Variants in SLC1A7 observed in about 807,000 individuals in gnomAD.
SLC1A7 encodes the protein solute carrier family 1 member 7.
A neutral mutation model predicts 47.7 loss-of-function variants in SLC1A7; 40 were observed. The ratio of observed to expected loss-of-function variants is 0.84; its 90% CI spans 0.65 to 1.09. The LOEUF (loss-of-function observed/expected upper bound fraction) is 1.09. SLC1A7 is among the 50% of genes least tolerant of loss of function. SLC1A7 has a pLI of 0.00. For missense variants in SLC1A7, 746 were observed against 769.5 expected (o/e 0.97, Z 0.36); for synonymous variants, 323 against 325.6 (o/e 0.99, Z 0.09).
Position 53,105,810 on chromosome 1 carries a change from C to T in SLC1A7, c.432-36G>A. On this transcript the variant is annotated intron_variant, in intron 3 of 10. Coordinates refer to ENST00000371494, the MANE Select transcript of SLC1A7 (RefSeq NM_006671.6). ...AATCAGCAATTGAAAAATTCCAGAG[C>T]CCAGGACAGGAGGGCCCTGGGGGTT... The T allele has an allele frequency of 1.9e-6, 3 of 1,600,130 alleles. No homozygotes were observed. The East Asian group carries it at 6.7e-5, about 36-fold the overall frequency.
intron 10 of SLC1A7, 78 bp downstream of exon 10, chr1:53,088,794 AGCTGG>A: frequency 1.0e-6 from 1 of 1,003,222 alleles, no homozygotes; most frequent in East Asian, 2.6e-5. Context: ...GAGGCTGCCG[AGCTGG>A]TTGGTGGAAG....
At chr1:53,100,488 G>GT (rs1644561584) in intron 5 of SLC1A7, among the ~76,000 whole-genome samples, 1 of 116,632 alleles carries the variant, frequency 8.6e-6, no homozygotes, top group African/African-American at 4.0e-5. Flanking sequence ...ACTCACAAAC[G>GT]CTGCCTCGGT....
intron 3 of SLC1A7, chr1:53,108,313 C>T (rs1313633576): frequency 6.9e-6 from 3 of 436,108 alleles, no homozygotes; most frequent in Non-Finnish European, 1.2e-5. Flanking sequence ...TTTGGAAGCT[C>T]GTAAGAAGCC....
intron 5 of SLC1A7, 31 bp from the exon 6 acceptor site, chr1:53,093,591 A>G: frequency 1.3e-6 from 2 of 1,543,974 alleles, no homozygotes; most frequent in Non-Finnish European, 1.8e-6. Context: ...GCTGTGGTAA[A>G]GCAGGGACAG....
rs1176363250 is a variant in SLC1A7, at chr1:53,089,845, AG to A, written c.1315del (p.Leu439CysfsTer22). ...GATGAGGGTGATGTCATCGGTGGGC[AG>A]TCCCACGGAGGTGAGCACGATGACC... ...TMVIVLTSVG[L>X]PTDDITLIIA... is the part of the protein sequence containing the mutation. On this transcript the variant is annotated frameshift_variant, in exon 9 of 11. Coordinates refer to ENST00000371494, the MANE Select transcript of SLC1A7 (RefSeq NM_006671.6). LOFTEE classifies it high-confidence loss of function. The A allele has an allele frequency of 6.2e-7, 1 of 1,613,956 alleles. No individual in the cohort carries two copies. Among genetic ancestry groups the A allele is most frequent in the South Asian group, 1.1e-5 (1 of 91,074 alleles).
In SLC1A7 at chr1:53,142,475, G is replaced by T; in HGVS notation, c.-26C>A. 6.2e-7 allele frequency: 1 copy of T among 1,610,768 alleles called. No individual in the cohort carries two copies. Among genetic ancestry groups the T allele is most frequent in the Non-Finnish European group, 8.5e-7 (1 of 1,178,894 alleles). On this transcript the variant is annotated 5_prime_UTR_variant, in exon 1 of 11. It introduces an in-frame stop codon into an upstream open reading frame of the 5' UTR. Transcript: ENST00000371494. ...GGTGAGCCTGGCCTGCTGGCAAGGG[G>T]CACAGCACCATTCCACGCATGAGAG...
At chr1:53,127,515 A>G (rs906236223) in intron 2 of SLC1A7, among the ~76,000 whole-genome samples, 1 of 152,212 alleles carries the variant, frequency 6.6e-6, no homozygotes, top group Admixed American at 6.5e-5. Context: ...AAGGAGGTGG[A>G]CAGGCCCTCA....
At chr1:53,089,082 C>T in intron 9 of SLC1A7, 103 bp from the exon 10 acceptor site, 1 of 909,728 alleles carries the variant, frequency 1.1e-6, no homozygotes, top group Non-Finnish European at 1.8e-6. Context: ...GACCAGCTGT[C>T]ATGCAAAGCC....
chr1:53,105,874 G>C, intron 3 of SLC1A7, 100 bp from the exon 4 acceptor site: 1 of 951,286 alleles, frequency 1.1e-6, no homozygotes, highest in Non-Finnish European at 1.7e-6. Flanking sequence ...TTTGGTGGTC[G>C]GGCCTTCCTC....
chr1:53,095,534 C>T (rs544413601), intron 5 of SLC1A7, among the ~76,000 whole-genome samples: 14 of 147,966 alleles, frequency 9.5e-5, no homozygotes, highest in South Asian at 8.7e-4. Flanking sequence ...ACACTCACAC[C>T]GCCTCGGTAC....
chr1:53,108,283 G>C lies in SLC1A7; in HGVS notation c.432-2509C>G, dbSNP rs370995596. 13 of 362,402 alleles carry C rather than the reference G, an allele frequency of 3.6e-5. No individual in the cohort carries two copies. The South Asian group carries it at 3.8e-4, about 11-fold the overall frequency. The allele number at this position is 362,402 out of a possible 1,614,324, so 22.4% of individuals were successfully genotyped here. On this transcript the variant is annotated intron_variant, in intron 3 of 10. Transcript: ENST00000371494. ...CCCTCTTCCCCTCTTTCAAGACTCAGTTTACACACACGGAGAACATTTGGA... is the reference window on the plus strand; with the variant it reads ...CCCTCTTCCCCTCTTTCAAGACTCACTTTACACACACGGAGAACATTTGGA...
At position 53,087,938 on chromosome 1, in the gene SLC1A7, G is replaced by T; in HGVS notation, c.*71C>A. 2.1e-6 allele frequency: 2 copies of T among 932,680 alleles called. No homozygotes were observed. Among genetic ancestry groups the T allele is most frequent in the Non-Finnish European group, 1.6e-6 (1 of 644,366 alleles). The allele number at this position is 932,680 out of a possible 1,614,324, so 57.8% of individuals were successfully genotyped here. A position where few individuals can be genotyped will look rare whatever the true frequency, so the allele number is the denominator to read the frequency against. On this transcript the variant is annotated 3_prime_UTR_variant, in exon 11 of 11. Coordinates refer to ENST00000371494, the MANE Select transcript of SLC1A7 (RefSeq NM_006671.6). Reference sequence around the variant, plus strand: ...TGGCCCCTGCCGGCTGCTCAGGAGGGTTGGAGAGTCGAGTTCCTGCCTCAG... The same window carrying T: ...TGGCCCCTGCCGGCTGCTCAGGAGGTTTGGAGAGTCGAGTTCCTGCCTCAG...
intron 2 of SLC1A7, among the ~76,000 whole-genome samples, chr1:53,132,711 T>G (rs2150344649): frequency 6.8e-6 from 1 of 146,398 alleles, no homozygotes; most frequent in Non-Finnish European, 1.5e-5. Context: ...TTAGGTGTGG[T>G]GGTGTGTGCC....
rs1644448850 is a variant in SLC1A7, at chr1:53,093,497, T to C, written c.761A>G (p.Asn254Ser). The change falls in exon 6 of 11, where the codon AAT (asparagine) becomes AGT (serine). Residue 254 changes from asparagine (N) to serine (S), a missense_variant. By Grantham distance (46) the Asn-to-Ser change is conservative. Transcript: ENST00000371494. Reference protein sequence around the residue: ...APLVSFCQCLNESVMKIVAVA... With the variant: ...APLVSFCQCLSESVMKIVAVA... ...CGCCACGATCTTCATGACCGACTCA[T>C]TGAGGCACTGGCAGAAGCTGACCAG... 1.2e-6 allele frequency: 2 copies of C among 1,611,276 alleles called. No individual in the cohort carries two copies. Among genetic ancestry groups the C allele is most frequent in the Admixed American group, 1.7e-5 (1 of 59,952 alleles).
At chr1:53,108,780 T>C in intron 3 of SLC1A7, 1 of 641,986 alleles carries the variant, frequency 1.6e-6, no homozygotes. Flanking sequence ...CTCCCACTTC[T>C]GGACTGTTCT....
At position 53,103,344 on chromosome 1, in the gene SLC1A7, A is replaced by G; in HGVS notation, c.697+2T>C. ...ACTGCTGGGCAGGTGGGCAGCACAT[A>G]CCCATGGTGGCAGAGAAGAAGACGA... On this transcript the variant is annotated splice_donor_variant, in intron 5 of 10. Coordinates refer to ENST00000371494, the MANE Select transcript of SLC1A7 (RefSeq NM_006671.6). LOFTEE classifies it high-confidence loss of function. 6.3e-7 allele frequency: 1 copy of G among 1,590,400 alleles called. No individual in the cohort carries two copies. The highest frequency in any genetic ancestry group is 8.6e-7 in the Non-Finnish European group (1 of 1,168,930).
intron 2 of SLC1A7, among the ~76,000 whole-genome samples, chr1:53,120,997 C>T (rs1769301): frequency 2.6e-5 from 4 of 152,256 alleles, no homozygotes; most frequent in Non-Finnish European, 5.9e-5. Flanking sequence ...AGGATGAGTG[C>T]GGATGATGCC....
intron 3 of SLC1A7, chr1:53,108,636 T>G: frequency 4.2e-6 from 3 of 717,806 alleles, no homozygotes; most frequent in Non-Finnish European, 7.8e-6. Flanking sequence ...TCTTTCTGCC[T>G]GGAACATGGG....
chr1:53,140,131 C>G (rs1173816887), intron 1 of SLC1A7, among the ~76,000 whole-genome samples: 1 of 152,170 alleles, frequency 6.6e-6, no homozygotes, highest in African/African-American at 2.4e-5. Context: ...AAGTAAGATG[C>G]TGAGAAAGCC....
Sources: allele counts gnomAD v4.1 joint callset (sites outside exome capture counted in the v4.1 genomes callset), GRCh38; gene constraint gnomAD v4.1.1; transcripts MANE v1.5; gene names NCBI Gene and HGNC (gene_info 2026-07-23, HGNC 2026-07-21).